Variants in CCDC102B observed in about 807,000 individuals in gnomAD.
CCDC102B encodes the protein coiled-coil domain containing 102B.
CCDC102B carries 75 observed loss-of-function variants against 57.4 expected under a neutral mutation model. That is an observed-to-expected ratio of 1.31 (90% CI 1.08 to 1.58). The LOEUF (loss-of-function observed/expected upper bound fraction) is 1.58, where lower values mean the gene tolerates loss of function less well. Among genes scored for constraint, CCDC102B ranks in the 40% most tolerant of loss-of-function variants. The probability of loss-of-function intolerance (pLI) is 0.00; values close to 1 mark genes in which losing one functional copy is unlikely to be tolerated. For missense variants in CCDC102B, 636 were observed against 582.6 expected, an observed-to-expected ratio of 1.09 and a Z score of -0.94; for synonymous variants, 206 against 201.9, an observed-to-expected ratio of 1.02 and a Z score of -0.17.
At chr18:68,977,314 G>A (rs747195492) in intron 6 of CCDC102B, among the ~76,000 whole-genome samples, 3 of 151,880 alleles carry the variant, frequency 2.0e-5, no homozygotes, top group Non-Finnish European at 2.9e-5. Flanking sequence ...ACTGCAGAAC[G>A]TGCAGGTTTG....
chr18:69,053,968 GC>G, intron 7 of CCDC102B, 61 bp from the exon 8 acceptor site: 1 of 1,285,072 alleles, frequency 7.8e-7, no homozygotes, highest in African/African-American at 1.5e-5. Context: ...ATTTACTATA[GC>G]CACCATGATG....
chr18:68,744,107 C>A (rs115397096), intron 2 of CCDC102B, among the ~76,000 whole-genome samples: 4 of 152,052 alleles, frequency 2.6e-5, no homozygotes, highest in Admixed American at 2.6e-4. Flanking sequence ...ATTTTATTAT[C>A]AGAACATGTT....
At chr18:68,830,586 T>G (rs1278407080) in intron 1 of CCDC102B, among the ~76,000 whole-genome samples, 1 of 151,656 alleles carries the variant, frequency 6.6e-6, no homozygotes, top group East Asian at 1.9e-4. Context: ...AGGTAAAATA[T>G]GTAGAACAGA....
chr18:68,816,657 G>A (rs1377747639), intron 1 of CCDC102B, among the ~76,000 whole-genome samples: 1 of 151,752 alleles, frequency 6.6e-6, no homozygotes, highest in African/African-American at 2.4e-5. Flanking sequence ...GTACAGACGG[G>A]GTTTCACCAT....
intron 6 of CCDC102B, among the ~76,000 whole-genome samples, chr18:68,969,745 G>C (rs1425774481): frequency 4.0e-5 from 6 of 151,518 alleles, no homozygotes. Context: ...AATATTCTTA[G>C]TATTTTTAAC....
intron 4 of CCDC102B, among the ~76,000 whole-genome samples, chr18:68,869,700 T>A (rs1481294958): frequency 6.6e-6 from 1 of 152,264 alleles, no homozygotes; most frequent in Non-Finnish European, 1.5e-5. Flanking sequence ...TAGTTTCTTT[T>A]GCTGTTCAGA....
intron 2 of CCDC102B, among the ~76,000 whole-genome samples, chr18:68,782,221 A>G (rs2035028332): frequency 6.6e-6 from 1 of 152,106 alleles, no homozygotes; most frequent in South Asian, 2.1e-4. Context: ...TATTCCGCTT[A>G]TCACCCAAAA....
chr18:68,908,828 C>T (rs952244040), intron 6 of CCDC102B, among the ~76,000 whole-genome samples: 5 of 151,914 alleles, frequency 3.3e-5, no homozygotes, highest in African/African-American at 1.2e-4. Flanking sequence ...TGGTTACTTA[C>T]ATACTAGGTT....
chr18:68,765,062 T>TAAATAAAC (rs1433191903), intron 2 of CCDC102B, among the ~76,000 whole-genome samples: 1 of 146,316 alleles, frequency 6.8e-6, no homozygotes, highest in African/African-American at 2.5e-5. Context: ...AATAAATAAA[T>TAAATAAAC]AAATAAATAA....
At chr18:68,762,306 G>A (rs1406718866) in intron 2 of CCDC102B, among the ~76,000 whole-genome samples, 1 of 152,064 alleles carries the variant, frequency 6.6e-6, no homozygotes, top group Non-Finnish European at 1.5e-5. Context: ...TAAATGTATT[G>A]TTGTTTGGGA....
At chr18:69,023,285 T>G (rs556722332) in intron 7 of CCDC102B, among the ~76,000 whole-genome samples, 1 of 152,254 alleles carries the variant, frequency 6.6e-6, no homozygotes, top group South Asian at 2.1e-4. Context: ...TAATTTTAAC[T>G]ATTGAAATGT....
intron 7 of CCDC102B, among the ~76,000 whole-genome samples, chr18:69,037,985 G>A (rs1019871): frequency 0.03 from 4,505 of 151,916 alleles, 146 homozygotes; most frequent in East Asian, 0.16. Flanking sequence ...ATTAAATGTT[G>A]ATTTTTTATT....
At chr18:68,994,682 T>C (rs868358645) in intron 6 of CCDC102B, among the ~76,000 whole-genome samples, 12 of 152,186 alleles carry the variant, frequency 7.9e-5, no homozygotes. Flanking sequence ...AAGAAAGTGC[T>C]TTGCTTCCCC....
At chr18:68,943,562 A>G (rs996019067) in intron 6 of CCDC102B, among the ~76,000 whole-genome samples, 19 of 152,158 alleles carry the variant, frequency 1.2e-4, no homozygotes, top group African/African-American at 4.6e-4. Context: ...ATTTGAACAA[A>G]ATGGATAGAC....
At chr18:68,932,258 C>A (rs544101798) in intron 6 of CCDC102B, among the ~76,000 whole-genome samples, 1 of 151,410 alleles carries the variant, frequency 6.6e-6, no homozygotes, top group African/African-American at 2.4e-5. Context: ...TCCACTATTT[C>A]GGCATTAAAT....
chr18:68,984,950 G>A (rs2050686214), intron 6 of CCDC102B, among the ~76,000 whole-genome samples: 1 of 152,106 alleles, frequency 6.6e-6, no homozygotes. Context: ...AGAGCTATAA[G>A]TAGGTATCTA....
At chr18:68,804,495 C>A (rs2035964007) in intron 1 of CCDC102B, among the ~76,000 whole-genome samples, 1 of 152,110 alleles carries the variant, frequency 6.6e-6, no homozygotes, top group African/African-American at 2.4e-5. Context: ...ATTACCCCAG[C>A]CTGAAGTCTC....
At chr18:69,002,766 C>CTG (rs2051239673) in intron 6 of CCDC102B, among the ~76,000 whole-genome samples, 1 of 152,162 alleles carries the variant, frequency 6.6e-6, no homozygotes, top group African/African-American at 2.4e-5. Flanking sequence ...GTATACTTCA[C>CTG]TGTCTCAATG....
intron 1 of CCDC102B, among the ~76,000 whole-genome samples, chr18:68,807,251 G>A (rs1267794181): frequency 6.6e-6 from 1 of 151,888 alleles, no homozygotes; most frequent in Admixed American, 6.6e-5. Flanking sequence ...TATAATTTAA[G>A]AAAATTTACT....
Sources: gnomAD v4.1 joint callset for allele counts (sites outside exome capture counted in the v4.1 genomes callset) on GRCh38, gnomAD v4.1.1 for gene constraint, MANE v1.5 for transcripts, NCBI Gene and HGNC (gene_info 2026-07-23, HGNC 2026-07-21) for gene names.